NCALD: variants seen among roughly 807,000 people sequenced by gnomAD.
The protein encoded by NCALD is neurocalcin delta, also known as neurocalcin-delta.
NCALD carries 10 observed loss-of-function variants against 18.6 expected under a neutral mutation model. That is an observed-to-expected ratio of 0.54 (90% CI 0.33 to 0.91). NCALD has a LOEUF of 0.91. NCALD is among the 40% of genes least tolerant of loss of function. The pLI is 0.03. For synonymous variants in NCALD, 88 were observed against 87.4 expected (o/e 1.01, Z -0.04); for missense variants, 184 against 247.6 (o/e 0.74, Z 1.72).
chr8:101,903,414 C>T (rs1817505606), intron 3 of NCALD, among the ~76,000 whole-genome samples: 1 of 152,048 alleles, frequency 6.6e-6, no homozygotes, highest in Non-Finnish European at 1.5e-5. Context: ...CCAGGATGGT[C>T]TCGATGTCTT....
intron 1 of NCALD, among the ~76,000 whole-genome samples, chr8:102,099,028 C>A (rs1411449595): frequency 6.6e-6 from 1 of 152,112 alleles, no homozygotes; most frequent in Non-Finnish European, 1.5e-5. Context: ...TTGGAGAGAA[C>A]CAACTGAGAA....
At chr8:101,823,409 T>A (rs1813800844) in intron 4 of NCALD, among the ~76,000 whole-genome samples, 1 of 152,240 alleles carries the variant, frequency 6.6e-6, no homozygotes, top group Admixed American at 6.5e-5. Flanking sequence ...CCTTCAAGTC[T>A]AAGTTTCTCT....
intron 3 of NCALD, among the ~76,000 whole-genome samples, chr8:101,892,305 G>C (rs1816936573): frequency 6.8e-6 from 1 of 146,266 alleles, no homozygotes; most frequent in Non-Finnish European, 1.5e-5. Context: ...TGAGGGTCCT[G>C]TCTGTTAGAA....
At chr8:101,811,111 C>G (rs1353912995) in intron 4 of NCALD, among the ~76,000 whole-genome samples, 2 of 152,100 alleles carry the variant, frequency 1.3e-5, no homozygotes, top group South Asian at 4.1e-4. Flanking sequence ...GTACCTGCCC[C>G]CCATGTGTCC....
chr8:102,008,254 A>C (rs986706216), intron 2 of NCALD, among the ~76,000 whole-genome samples: 1 of 152,158 alleles, frequency 6.6e-6, no homozygotes, highest in Admixed American at 6.6e-5. Flanking sequence ...CAGACAAGCA[A>C]GCAGACAATT....
intron 1 of NCALD, among the ~76,000 whole-genome samples, chr8:102,107,195 C>CATATATATATATATATATATAT (rs67447416): frequency 1.1e-5 from 1 of 89,302 alleles, no homozygotes; most frequent in Non-Finnish European, 2.1e-5. Flanking sequence ...TATGTGTGTA[C>CATATATATATATATATATATAT]ATATATATAT....
chr8:101,796,283 C>T (rs1469077602), intron 4 of NCALD, among the ~76,000 whole-genome samples: 2 of 152,130 alleles, frequency 1.3e-5, no homozygotes, highest in African/African-American at 4.8e-5. Context: ...ATTTTTCATA[C>T]ACCATTTTCA....
chr8:102,024,164 T>G (rs903426309), intron 1 of NCALD, among the ~76,000 whole-genome samples: 2 of 152,178 alleles, frequency 1.3e-5, no homozygotes, highest in Non-Finnish European at 2.9e-5. Flanking sequence ...ATTGTAATAT[T>G]TAACTGTTTT....
At chr8:101,704,984 G>C (rs1815441696) in intron 2 of NCALD, among the ~76,000 whole-genome samples, 3 of 152,014 alleles carry the variant, frequency 2.0e-5, no homozygotes, top group Admixed American at 1.3e-4. Context: ...CCAGCACTTA[G>C]GGAGGCCGAG....
At chr8:101,894,669 G>T (rs933205867) in intron 3 of NCALD, among the ~76,000 whole-genome samples, 8 of 150,704 alleles carry the variant, frequency 5.3e-5, no homozygotes, top group African/African-American at 2.0e-4. Context: ...AATAAAAAAT[G>T]ATAAAGGGGG....
At chr8:101,767,196 A>T (rs753012329) in intron 1 of NCALD, among the ~76,000 whole-genome samples, 1 of 152,206 alleles carries the variant, frequency 6.6e-6, no homozygotes, top group Non-Finnish European at 1.5e-5. Flanking sequence ...GTTATCTGTA[A>T]AGTCAAAATA....
intron 2 of NCALD, among the ~76,000 whole-genome samples, chr8:101,978,027 T>A (rs1215605717): frequency 6.6e-6 from 1 of 151,828 alleles, no homozygotes; most frequent in Non-Finnish European, 1.5e-5. Context: ...ACAAGCCCCT[T>A]GTCCCCTCTC....
At chr8:101,824,661 T>G (rs1455334349) in intron 4 of NCALD, among the ~76,000 whole-genome samples, 1 of 152,150 alleles carries the variant, frequency 6.6e-6, no homozygotes. Flanking sequence ...ACTCTTTTAC[T>G]TCATCTTGAC....
chr8:102,084,749 C>A lies in NCALD; in HGVS notation c.-210+39488G>T, dbSNP rs974359679. Among the ~76,000 whole-genome samples, 8 of 152,312 alleles carry A rather than the reference C, an allele frequency of 5.3e-5. No individual in the cohort carries two copies. The South Asian group carries it at 1.2e-3, about 24-fold the overall frequency. ...TCCACAAGCTTGAACCCGCCCAACTCCGGAGATCTTATCAGGAAGCAGCTG... is the reference window on the plus strand; with the variant it reads ...TCCACAAGCTTGAACCCGCCCAACTACGGAGATCTTATCAGGAAGCAGCTG... On this transcript the variant is annotated intron_variant, in intron 1 of 6. Transcript: ENST00000311028.
intron 1 of NCALD, among the ~76,000 whole-genome samples, chr8:102,051,026 CA>C (rs1823439648): frequency 6.6e-6 from 1 of 150,826 alleles, no homozygotes; most frequent in African/African-American, 2.4e-5. Flanking sequence ...TAAAATCATC[CA>C]AAAAATGTCA....
At chr8:102,122,252 G>A (rs1005775789) in intron 1 of NCALD, among the ~76,000 whole-genome samples, 3 of 152,348 alleles carry the variant, frequency 2.0e-5, no homozygotes, top group East Asian at 3.9e-4. Context: ...CTTGAGCAGA[G>A]GCTACGTGGG....
intron 2 of NCALD, among the ~76,000 whole-genome samples, chr8:101,935,833 G>GTATAGTATA (rs2131728445): frequency 7.0e-6 from 1 of 142,290 alleles, no homozygotes; most frequent in African/African-American, 2.6e-5. Flanking sequence ...TACTATGTAA[G>GTATAGTATA]ATGATGGAAA....
chr8:101,918,438 T>C (rs78804464), intron 2 of NCALD, among the ~76,000 whole-genome samples: 14,903 of 151,882 alleles, frequency 0.098, 819 homozygotes, highest in East Asian at 0.2. Flanking sequence ...GTATGCCCAC[T>C]CTCACCACTC....
intron 1 of NCALD, among the ~76,000 whole-genome samples, chr8:102,119,576 T>C (rs1825885025): frequency 2.0e-5 from 3 of 152,246 alleles, no homozygotes; most frequent in South Asian, 2.1e-4. Flanking sequence ...TTTTATGTTA[T>C]GTATATTTAA....
Sources: gnomAD v4.1 joint callset for allele counts (sites outside exome capture counted in the v4.1 genomes callset) on GRCh38, gnomAD v4.1.1 for gene constraint, MANE v1.5 for transcripts, NCBI Gene and HGNC (gene_info 2026-07-23, HGNC 2026-07-21) for gene names.